EML6: variants seen among roughly 807,000 people sequenced by gnomAD.
EML6 encodes the protein EMAP like 6.
A neutral mutation model predicts 240.1 loss-of-function variants in EML6; 154 were observed. That is an observed-to-expected ratio of 0.64 (90% CI 0.56 to 0.73). The LOEUF (loss-of-function observed/expected upper bound fraction) is 0.73, where lower values mean the gene tolerates loss of function less well. Ranked by LOEUF, EML6 falls within the 30% of genes least tolerant of loss-of-function variation. The pLI is 0.00. For missense variants in EML6, 2,964 were observed against 2,474.6 expected (o/e 1.20, Z -4.20); for synonymous variants, 1,148 against 899.0 (o/e 1.28, Z -4.95).
chr2:54,853,830 G>C lies in EML6; in HGVS notation c.1632G>C (p.Leu544Phe). The C allele has an allele frequency of 6.4e-7, 1 of 1,551,192 alleles. No homozygotes were observed. The highest frequency in any genetic ancestry group is 2.4e-5 in the East Asian group (1 of 40,904). ...VSGDDFGLVK[L>F]FKFPCLKRGA... ...GAGATGATTTTGGACTGGTTAAATT[G>C]TTTAAATTTCCTTGTCTCAAGAGAG... is the stretch of plus-strand genomic sequence containing the variant. Residue 544 changes from leucine (L) to phenylalanine (F), a missense_variant, in exon 11 of 42, where the codon TTG becomes TTC. Coordinates refer to ENST00000356458, the MANE Select transcript of EML6 (RefSeq NM_001039753.4).
intron 26 of EML6, among the ~76,000 whole-genome samples, chr2:54,921,139 G>A (rs1041867018): frequency 6.6e-6 from 1 of 151,750 alleles, no homozygotes; most frequent in Non-Finnish European, 1.5e-5. Context: ...GAGAGAAAAG[G>A]CATCCAGATC....
intron 28 of EML6, among the ~76,000 whole-genome samples, chr2:54,947,345 C>T (rs889548744): frequency 6.6e-6 from 1 of 152,180 alleles, no homozygotes; most frequent in African/African-American, 2.4e-5. Flanking sequence ...GCGATGATGT[C>T]AGCCGGGGGT....
chr2:54,788,002 C>T (rs1466709689), intron 2 of EML6, among the ~76,000 whole-genome samples: 1 of 152,120 alleles, frequency 6.6e-6, no homozygotes, highest in Non-Finnish European at 1.5e-5. Context: ...ACCCAGCACA[C>T]CCCACAGCTG....
intron 2 of EML6, among the ~76,000 whole-genome samples, chr2:54,772,304 A>G (rs1007972024): frequency 3.9e-5 from 6 of 152,320 alleles, no homozygotes; most frequent in Non-Finnish European, 8.8e-5. Flanking sequence ...GTGTGAGAGA[A>G]GTGCTATGGA....
intron 2 of EML6, among the ~76,000 whole-genome samples, chr2:54,791,699 C>G (rs566955514): frequency 1.3e-4 from 20 of 152,200 alleles, no homozygotes; most frequent in African/African-American, 4.3e-4. Flanking sequence ...AGGCTAGAGC[C>G]AAGAGAACTG....
intron 7 of EML6, among the ~76,000 whole-genome samples, chr2:54,840,746 A>G (rs1669400972): frequency 6.6e-6 from 1 of 152,238 alleles, no homozygotes; most frequent in Non-Finnish European, 1.5e-5. Context: ...TCACTGTGCC[A>G]GGTATTGAGG....
intron 2 of EML6, among the ~76,000 whole-genome samples, chr2:54,726,547 G>A (rs1433647370): frequency 1.3e-5 from 2 of 152,036 alleles, no homozygotes; most frequent in Non-Finnish European, 2.9e-5. Context: ...TTTGAAGATG[G>A]GAGTGCTAAT....
intron 24 of EML6, among the ~76,000 whole-genome samples, chr2:54,906,912 T>C (rs1401348770): frequency 6.6e-6 from 1 of 152,196 alleles, no homozygotes; most frequent in African/African-American, 2.4e-5. Context: ...GGGTTCTGTT[T>C]CATGCCTTTG....
In EML6 at chr2:54,886,412, C is replaced by T. The variant is rs530263526; in HGVS notation, c.2439-4642C>T. On this transcript the variant is annotated intron_variant, in intron 17 of 41. Coordinates refer to ENST00000356458, the MANE Select transcript of EML6 (RefSeq NM_001039753.4). ...TAACTCCTGACCTCCTCAGGTGATC[C>T]GCCCACCTCAGCCCCCCAGAGTGTT... Among the ~76,000 whole-genome samples, 8 of 152,226 alleles carry T rather than the reference C, an allele frequency of 5.3e-5. 1 individual carries two copies. The South Asian group carries it at 8.3e-4, about 16-fold the overall frequency.
chr2:54,856,239 A>G (rs1330550877), intron 11 of EML6, among the ~76,000 whole-genome samples: 1 of 152,216 alleles, frequency 6.6e-6, no homozygotes, highest in Non-Finnish European at 1.5e-5. Flanking sequence ...CACTTAGACT[A>G]TATCCTGTTT....
At chr2:54,871,662 G>A (rs1044714113) in intron 16 of EML6, 57 bp downstream of exon 16, 2 of 1,273,084 alleles carry the variant, frequency 1.6e-6, no homozygotes, top group South Asian at 1.3e-5. Context: ...GAGACACAGA[G>A]AGAGTATGCC....
chr2:54,961,226 C>T (rs1396889776), intron 35 of EML6, among the ~76,000 whole-genome samples: 1 of 32,184 alleles, frequency 3.1e-5, no homozygotes. Context: ...TGCTCTGTTG[C>T]CCAGGGGGAG....
intron 33 of EML6, among the ~76,000 whole-genome samples, chr2:54,958,830 A>C (rs1043985360): frequency 3.3e-5 from 5 of 152,108 alleles, no homozygotes; most frequent in Non-Finnish European, 7.4e-5. Flanking sequence ...CCATGCTTAC[A>C]GAAGGGAAGT....
At chr2:54,917,182 A>G (rs1266328218) in intron 26 of EML6, among the ~76,000 whole-genome samples, 1 of 152,176 alleles carries the variant, frequency 6.6e-6, no homozygotes, top group African/African-American at 2.4e-5. Context: ...CAAACTGCAA[A>G]GTAAGTGTTA....
chr2:54,959,248 G>A lies in EML6; in HGVS notation c.4840G>A (p.Gly1614Arg), dbSNP rs1676381486. 3 of 1,536,946 alleles carry A rather than the reference G, an allele frequency of 2.0e-6. No individual in the cohort carries two copies. The highest frequency in any genetic ancestry group is 1.2e-5 in the South Asian group (1 of 81,562). Residue 1614 changes from glycine to arginine, a missense_variant, in exon 34 of 42, where the codon GGA becomes AGA. Gly to Arg is a moderately radical substitution (Grantham distance 125). Coordinates refer to ENST00000356458, the MANE Select transcript of EML6 (RefSeq NM_001039753.4). The part of the protein sequence containing the change: ...TLRDGLIVTG[G>R]KERPTKEGGA... ...TCGGGATGGACTCATAGTGACCGGC[G>A]GAAAAGAGAGGCCGTAAGCCAAAGC...
chr2:54,760,178 CTACT>C (rs1467380534), intron 2 of EML6, among the ~76,000 whole-genome samples: 2 of 150,634 alleles, frequency 1.3e-5, no homozygotes, highest in Non-Finnish European at 3.0e-5. Context: ...TAATTTTTAA[CTACT>C]TAAGTAATAC....
intron 2 of EML6, among the ~76,000 whole-genome samples, chr2:54,768,638 C>T (rs892884555): frequency 2.6e-5 from 4 of 152,108 alleles, no homozygotes; most frequent in African/African-American, 2.4e-5. Context: ...TCGTGAGGCC[C>T]GGATTGTAGC....
intron 28 of EML6, among the ~76,000 whole-genome samples, chr2:54,948,366 C>G (rs1675796009): frequency 1.3e-5 from 2 of 152,122 alleles, no homozygotes; most frequent in African/African-American, 4.8e-5. Context: ...AGAAGTGAGG[C>G]CGACCTAGGC....
chr2:54,787,124 G>A lies in EML6; in HGVS notation c.198-26108G>A, dbSNP rs555870254. 2.0e-4 allele frequency among the ~76,000 whole-genome samples: 31 copies of A among 152,282 alleles called. No homozygotes were observed. The East Asian group carries it at 5.0e-3, about 25-fold the overall frequency. ...GCCTAAGTAGGTTCAGCAGGGCTTC[G>A]GGGAGTTGTGCAGTGTGCGTTGGTG... On this transcript the variant is annotated intron_variant, in intron 2 of 41. Transcript: ENST00000356458.
Sources: gnomAD v4.1 joint callset for allele counts (sites outside exome capture counted in the v4.1 genomes callset) on GRCh38, gnomAD v4.1.1 for gene constraint, MANE v1.5 for transcripts, NCBI Gene and HGNC (gene_info 2026-07-23, HGNC 2026-07-21) for gene names.